Variants in AUTS2 observed in about 807,000 individuals in gnomAD.
AUTS2 encodes autism susceptibility gene 2 protein.
In AUTS2, 17 loss-of-function variants were observed where a neutral mutation model predicts 112.4. The observed-to-expected ratio is 0.15, with a 90% CI of 0.10 to 0.23. The LOEUF is 0.23. AUTS2 is among the 10% of genes least tolerant of loss of function. The pLI, the probability that AUTS2 is intolerant of heterozygous loss-of-function variation, is 1.00. For synonymous variants in AUTS2, 751 were observed against 702.7 expected (o/e 1.07, Z -1.09); for missense variants, 1,510 against 1,701.6 (o/e 0.89, Z 1.98).
intron 2 of AUTS2, among the ~76,000 whole-genome samples, chr7:69,910,821 T>G (rs1307246510): frequency 6.6e-6 from 1 of 152,082 alleles, no homozygotes; most frequent in Non-Finnish European, 1.5e-5. Flanking sequence ...AGAGGCAGGG[T>G]TTCACTTTGT....
chr7:70,515,390 C>T lies in AUTS2; in HGVS notation c.690+79609C>T, dbSNP rs541450274. Among the ~76,000 whole-genome samples, 5 of 152,114 alleles carry T rather than the reference C, an allele frequency of 3.3e-5. No homozygotes were observed. In the East Asian group the frequency reaches 9.7e-4, roughly 29 times the overall value. On this transcript the variant is annotated intron_variant, in intron 5 of 18. Transcript: ENST00000342771. ...TCCTAGGAGGATTTCCAAGGATTTC[C>T]GGGAACTATTTGAGAATGGGATGGG...
chr7:70,576,846 G>C (rs1287578130), intron 5 of AUTS2, among the ~76,000 whole-genome samples: 1 of 152,174 alleles, frequency 6.6e-6, no homozygotes, highest in African/African-American at 2.4e-5. Flanking sequence ...GCAGTGGAGA[G>C]GGCAATATTA....
intron 1 of AUTS2, among the ~76,000 whole-genome samples, chr7:69,751,628 G>A (rs577423002): frequency 1.1e-4 from 17 of 152,252 alleles, no homozygotes; most frequent in Admixed American, 4.6e-4. Flanking sequence ...CTGTGGGATT[G>A]TTTCTCAGCA....
chr7:70,500,292 T>C (rs546198670), intron 5 of AUTS2, among the ~76,000 whole-genome samples: 7 of 152,250 alleles, frequency 4.6e-5, no homozygotes, highest in African/African-American at 1.4e-4. Context: ...GCCTACTTTC[T>C]CTGTCCTGAT....
chr7:70,351,845 G>T (rs1446048954), intron 4 of AUTS2, among the ~76,000 whole-genome samples: 1 of 151,996 alleles, frequency 6.6e-6, no homozygotes, highest in Non-Finnish European at 1.5e-5. Context: ...GGGATTACAG[G>T]TGCCTGCTAG....
intron 4 of AUTS2, among the ~76,000 whole-genome samples, chr7:70,313,107 G>A (rs927668388): frequency 6.6e-6 from 1 of 152,102 alleles, no homozygotes; most frequent in South Asian, 2.1e-4. Flanking sequence ...TTAGGCTCAG[G>A]CTAAAAAAAC....
intron 2 of AUTS2, among the ~76,000 whole-genome samples, chr7:70,115,276 C>T (rs186906531): frequency 5.3e-5 from 8 of 152,326 alleles, no homozygotes; most frequent in East Asian, 1.9e-4. Context: ...AGCCTTGACA[C>T]TCTTTATAGT....
intron 4 of AUTS2, among the ~76,000 whole-genome samples, chr7:70,298,198 G>C (rs1789037166): frequency 6.6e-6 from 1 of 151,616 alleles, no homozygotes; most frequent in Non-Finnish European, 1.5e-5. Flanking sequence ...CGCCCAGCTA[G>C]TTTTTATATT....
At chr7:69,799,727 C>G (rs1789999048) in intron 1 of AUTS2, among the ~76,000 whole-genome samples, 1 of 152,062 alleles carries the variant, frequency 6.6e-6, no homozygotes, top group Non-Finnish European at 1.5e-5. Context: ...ATTTGTAAAT[C>G]CAAATATTTG....
chr7:70,261,671 G>T (rs766900676), intron 4 of AUTS2, among the ~76,000 whole-genome samples: 1 of 152,082 alleles, frequency 6.6e-6, no homozygotes, highest in South Asian at 2.1e-4. Flanking sequence ...GACTCAGCTG[G>T]ACTCAAGTTA....
At chr7:69,713,215 C>G (rs1416792444) in intron 1 of AUTS2, among the ~76,000 whole-genome samples, 1 of 152,158 alleles carries the variant, frequency 6.6e-6, no homozygotes, top group Non-Finnish European at 1.5e-5. Flanking sequence ...CCACCTCATA[C>G]ATTTATCGTT....
intron 6 of AUTS2, among the ~76,000 whole-genome samples, chr7:70,724,648 TGTTA>T (rs1786915862): frequency 6.6e-6 from 1 of 151,800 alleles, no homozygotes; most frequent in Non-Finnish European, 1.5e-5. Context: ...GGTTTTACCG[TGTTA>T]GTCAGGATGG....
At chr7:69,965,036 T>C (rs538158372) in intron 2 of AUTS2, among the ~76,000 whole-genome samples, 21 of 152,220 alleles carry the variant, frequency 1.4e-4, no homozygotes, top group Non-Finnish European at 2.8e-4. Flanking sequence ...TCATCTGCCC[T>C]CATGAGCCTG....
At chr7:69,984,718 G>A (rs977408098) in intron 2 of AUTS2, among the ~76,000 whole-genome samples, 5 of 152,168 alleles carry the variant, frequency 3.3e-5, no homozygotes, top group Admixed American at 2.6e-4. Flanking sequence ...GCCTGAAAGT[G>A]CCATAGTTGG....
intron 6 of AUTS2, among the ~76,000 whole-genome samples, chr7:70,743,962 A>T (rs973988278): frequency 1.3e-5 from 2 of 152,072 alleles, no homozygotes; most frequent in African/African-American, 2.4e-5. Flanking sequence ...TAAAGTGTGG[A>T]TGGAGGGGTA....
At chr7:70,021,889 T>C (rs1013197878) in intron 2 of AUTS2, among the ~76,000 whole-genome samples, 1 of 152,088 alleles carries the variant, frequency 6.6e-6, no homozygotes, top group East Asian at 1.9e-4. Context: ...ATTATTAGAT[T>C]GAGATAAATG....
At chr7:70,528,349 A>C (rs1799943475) in intron 5 of AUTS2, among the ~76,000 whole-genome samples, 1 of 152,114 alleles carries the variant, frequency 6.6e-6, no homozygotes, top group African/African-American at 2.4e-5. Context: ...AAAGGGTTGC[A>C]GAGCACGCTG....
intron 4 of AUTS2, among the ~76,000 whole-genome samples, chr7:70,265,391 C>T (rs573676534): frequency 2.0e-5 from 3 of 151,854 alleles, no homozygotes; most frequent in African/African-American, 2.4e-5. Flanking sequence ...GATAAATGAA[C>T]GTATTTTCTA....
intron 2 of AUTS2, among the ~76,000 whole-genome samples, chr7:70,062,495 A>G (rs1413680290): frequency 1.3e-5 from 2 of 149,788 alleles, no homozygotes; most frequent in African/African-American, 5.0e-5. Flanking sequence ...CCCAGGTGAC[A>G]GAGCGAGACT....
Sources: allele counts gnomAD v4.1 joint callset (sites outside exome capture counted in the v4.1 genomes callset), GRCh38; gene constraint gnomAD v4.1.1; transcripts MANE v1.5; gene names NCBI Gene and HGNC (gene_info 2026-07-23, HGNC 2026-07-21).